NAGK: variants seen among roughly 807,000 people sequenced by gnomAD.
NAGK encodes N-acetyl-D-glucosamine kinase.
In NAGK, 35 loss-of-function variants were observed where a neutral mutation model predicts 42.9. The observed-to-expected ratio is 0.82, with a 90% CI of 0.62 to 1.08. NAGK has a LOEUF of 1.08. Among genes scored for constraint, NAGK ranks in the 50% least tolerant of loss-of-function variants. NAGK has a pLI of 0.00. For missense variants in NAGK, 446 were observed against 446.0 expected (o/e 1.00, Z 0.00); for synonymous variants, 172 against 176.0 (o/e 0.98, Z 0.18).
In NAGK at chr2:71,074,255, G is replaced by A. The variant is rs74998242; in HGVS notation, c.579+661G>A. Among the ~76,000 whole-genome samples the A allele has an allele frequency of 6.3e-3, 952 of 152,244 alleles. 11 individuals carry two copies. Among genetic ancestry groups the A allele is most frequent in the African/African-American group, 0.022 (908 of 41,524 alleles). ...CCAGACATTTAGGTGGGCTGGGGCT[G>A]GGGCTGGGACCAGGACCAAGGAAGG... On this transcript the variant is annotated intron_variant, in intron 6 of 9. Transcript: ENST00000244204.
At chr2:71,072,140 G>A in intron 4 of NAGK, 1 of 343,516 alleles carries the variant, frequency 2.9e-6, no homozygotes, top group Non-Finnish European at 5.4e-6. Context: ...AAGTGGGGTG[G>A]CCTTGTGATA....
At chr2:71,068,919 C>T in intron 1 of NAGK, 3 of 1,294,472 alleles carry the variant, frequency 2.3e-6, no homozygotes, top group Non-Finnish European at 2.9e-6. Flanking sequence ...ACAGCCACAC[C>T]CCGGGTTGGG....
rs931402200 is a variant in NAGK at position 71,078,807 on chromosome 2, G to A, written c.*299G>A. 1.6e-5 allele frequency: 5 copies of A among 312,772 alleles called. No individual in the cohort carries two copies. Among genetic ancestry groups the A allele is most frequent in the Non-Finnish European group, 3.0e-5 (5 of 167,856 alleles). The allele number at this position is 312,772 out of a possible 1,614,324, so 19.4% of individuals were successfully genotyped here. ...CAGCATGCACTTGGGCAGATGATTT[G>A]TCTGTGTGCTACCCTTCCCCCCATA... On this transcript the variant is annotated 3_prime_UTR_variant, in exon 10 of 10. Coordinates refer to ENST00000244204, the MANE Select transcript of NAGK (RefSeq NM_017567.6).
intron 7 of NAGK, 35 bp downstream of exon 7, chr2:71,075,677 T>C (rs1471147134): frequency 6.4e-7 from 1 of 1,571,382 alleles, no homozygotes; most frequent in Non-Finnish European, 8.8e-7. Flanking sequence ...TATCTGGCTT[T>C]GTTCTCCAAA....
chr2:71,073,530 A>G lies in NAGK; in HGVS notation c.515A>G (p.Asp172Gly), dbSNP rs753074492. The G allele has an allele frequency of 6.2e-7, 1 of 1,614,108 alleles. No individual in the cohort carries two copies. The highest frequency in any genetic ancestry group is 2.2e-5 in the East Asian group (1 of 44,880). The change falls in exon 6 of 10, where the codon GAC becomes GGC. Residue 172 changes from aspartate (D) to glycine (G), a missense_variant. Asp to Gly is a moderately conservative substitution (Grantham distance 94). Coordinates refer to ENST00000244204, the MANE Select transcript of NAGK (RefSeq NM_017567.6). ...GTGAAAATAGTGTTTGACTCCATTG[A>G]CAACCTAGAGGCGGCTCCTCATGAT... ...QAVKIVFDSI[D>G]NLEAAPHDIG...
chr2:71,070,636 CTG>C, intron 2 of NAGK, 50 bp downstream of exon 2: 1 of 1,605,796 alleles, frequency 6.2e-7, no homozygotes, highest in Non-Finnish European at 8.5e-7. Context: ...ATTTTATTCT[CTG>C]TAATTCCTGT....
At chr2:71,076,497 C>T (rs1672215715) in intron 7 of NAGK, 107 bp from the exon 8 acceptor site, 1 of 860,660 alleles carries the variant, frequency 1.2e-6, no homozygotes, top group Non-Finnish European at 1.8e-6. Flanking sequence ...AGACTCCTAG[C>T]TCAGGGTGCT....
chr2:71,075,962 T>G, intron 7 of NAGK: 1 of 378,238 alleles, frequency 2.6e-6, no homozygotes, highest in Admixed American at 3.9e-5. Flanking sequence ...TCCTAGCCAA[T>G]TATACTCAAA....
rs149052839 is a variant in NAGK, at chr2:71,071,710, C to G, written c.238C>G (p.Gln80Glu). ...SLGLSLSGGDQEDAGRILIEE... is the reference protein window; with the variant it reads ...SLGLSLSGGDEEDAGRILIEE... ...GGGCCTATCTCTGAGCGGTGGGGAC[C>G]AGGAGGACGCGGGGAGGATCCTGAT... Residue 80 changes from glutamine (Q) to glutamate (E), a missense_variant, in exon 4 of 10, where the codon CAG (glutamine) becomes GAG (glutamate). Coordinates refer to ENST00000244204, the MANE Select transcript of NAGK (RefSeq NM_017567.6). 1 of 1,613,848 alleles carries G rather than the reference C, an allele frequency of 6.2e-7. No homozygotes were observed. Among genetic ancestry groups the G allele is most frequent in the African/African-American group, 1.3e-5 (1 of 75,040 alleles).
rs1317911202 is a variant in NAGK, at chr2:71,071,769, T to C, written c.297T>C (p.Ser99=). The part of the protein sequence containing the change: ...EELRDRFPYL[S]ESYLITTDAA... The stretch of plus-strand genomic sequence containing the variant: ...TGAGGGACCGATTTCCCTACCTGAG[T>C]GAAAGCTACTTAATCACCACCGATG... Residue 99 remains serine (S), a synonymous_variant, in exon 4 of 10, where the codon AGT becomes AGC. Transcript: ENST00000244204. 2 of 1,613,916 alleles carry C rather than the reference T, an allele frequency of 1.2e-6. No homozygotes were observed. The highest frequency in any genetic ancestry group is 2.7e-5 in the African/African-American group (2 of 74,854).
intron 6 of NAGK, 47 bp downstream of exon 6, chr2:71,073,641 T>A: frequency 6.9e-7 from 1 of 1,446,650 alleles, no homozygotes. Context: ...GGTAGGGCAG[T>A]GAAACACTCC....
rs139536732 is a variant in NAGK, at chr2:71,078,432, C to T, written c.959C>T (p.Ala320Val). ...GCTCTGGGTGGGGCCAGCCTAGGGG[C>T]CAGGCACATCGGGCACCTCCTCCCC... ...SSALGGASLG[A>V]RHIGHLLPMD... Residue 320 changes from alanine to valine, a missense_variant, in exon 10 of 10, where the codon GCC (alanine) becomes GTC (valine). Coordinates refer to ENST00000244204, the MANE Select transcript of NAGK (RefSeq NM_017567.6). The T allele has an allele frequency of 7.4e-6, 12 of 1,613,652 alleles. No individual in the cohort carries two copies. Among genetic ancestry groups the T allele is most frequent in the Non-Finnish European group, 9.3e-6 (11 of 1,179,768 alleles).
At chr2:71,068,883 T>C in intron 1 of NAGK, 171 bp downstream of exon 1, 1 of 1,350,812 alleles carries the variant, frequency 7.4e-7, no homozygotes, top group Non-Finnish European at 9.5e-7. Flanking sequence ...CACAGCTGTA[T>C]GCCTTACGGG....
chr2:71,069,584 T>C (rs1671920451), intron 1 of NAGK: 1 of 152,686 alleles, frequency 6.5e-6, no homozygotes, highest in African/African-American at 2.4e-5. Context: ...CCTGTATTTG[T>C]AGCACTTAAA....
chr2:71,075,091 T>C (rs1361265187), intron 6 of NAGK: 1 of 153,918 alleles, frequency 6.5e-6, no homozygotes, highest in African/African-American at 2.4e-5. Flanking sequence ...AATTTGCTAA[T>C]GTGCATTGTG....
chr2:71,069,235 T>G, intron 1 of NAGK: 1 of 405,960 alleles, frequency 2.5e-6, no homozygotes, highest in Non-Finnish European at 3.3e-6. Flanking sequence ...TTTCACTAGA[T>G]TGCATTTTTC....
chr2:71,075,477 A>G, intron 6 of NAGK, 78 bp from the exon 7 acceptor site: 2 of 1,128,228 alleles, frequency 1.8e-6, no homozygotes, highest in South Asian at 1.3e-5. Flanking sequence ...TAGAGACATT[A>G]GGAAGGCCAA....
intron 5 of NAGK, 42 bp from the exon 6 acceptor site, chr2:71,073,440 G>A: frequency 7.1e-7 from 1 of 1,401,280 alleles, no homozygotes; most frequent in Non-Finnish European, 1.0e-6. Flanking sequence ...GTGAGCTCAG[G>A]ATGACTGCTC....
Position 71,075,636 on chromosome 2 carries a change from G to C in NAGK, c.661G>C (p.Ala221Pro). The part of the protein sequence containing the change: ...CRFAGFCRKI[A>P]EGAQQGDPLS... ...GTTTGCTGGGTTTTGCCGGAAAATT[G>C]CAGAAGGTACTGGAGGTGGGGGGTG... is the stretch of plus-strand genomic sequence containing the variant. Residue 221 changes from alanine (A) to proline (P), a missense_variant, in exon 7 of 10, where the codon GCA (alanine) becomes CCA (proline). Ala to Pro is a conservative substitution (Grantham distance 27). Transcript: ENST00000244204. The C allele has an allele frequency of 6.2e-7, 1 of 1,612,854 alleles. No individual in the cohort carries two copies. The highest frequency in any genetic ancestry group is 8.5e-7 in the Non-Finnish European group (1 of 1,178,822).
Sources: gnomAD v4.1 joint callset for allele counts (sites outside exome capture counted in the v4.1 genomes callset) on GRCh38, gnomAD v4.1.1 for gene constraint, MANE v1.5 for transcripts, NCBI Gene and HGNC (gene_info 2026-07-23, HGNC 2026-07-21) for gene names.